FRMPD4: variants seen among roughly 807,000 people sequenced by gnomAD.
FRMPD4 encodes the protein FERM and PDZ domain-containing protein 4.
A neutral mutation model predicts 94.1 loss-of-function variants in FRMPD4; 22 were observed. That is an observed-to-expected ratio of 0.23 (90% CI 0.17 to 0.33). The LOEUF (loss-of-function observed/expected upper bound fraction) is 0.33. FRMPD4 is among the 10% of genes least tolerant of loss of function. The pLI, the probability that FRMPD4 is intolerant of heterozygous loss-of-function variation, is 1.00. For missense variants in FRMPD4, 1,111 were observed against 1,339.9 expected (o/e 0.83, Z 2.67); for synonymous variants, 631 against 548.6 (o/e 1.15, Z -2.10).
chrX:11,970,171 T>G (rs1219373225), intron 3 of FRMPD4, among the ~76,000 whole-genome samples: 2 of 112,221 alleles, frequency 1.8e-5, no homozygotes, highest in Non-Finnish European at 3.8e-5. Flanking sequence ...ATTATTAAGG[T>G]TCTGCATTTC....
chrX:12,205,166 A>C (rs1164065813), intron 1 of FRMPD4, among the ~76,000 whole-genome samples: 2 of 109,774 alleles, frequency 1.8e-5, no homozygotes, highest in Admixed American at 1.9e-4. Flanking sequence ...TTTGAAGCCC[A>C]TGAAGCCTGT....
chrX:12,223,828 C>T (rs2056895085), intron 1 of FRMPD4, among the ~76,000 whole-genome samples: 1 of 112,194 alleles, frequency 8.9e-6, no homozygotes, highest in Non-Finnish European at 1.9e-5. Context: ...TTTTCTTGTG[C>T]TTACTTACCA....
chrX:12,411,500 C>T (rs1188938938), intron 1 of FRMPD4, among the ~76,000 whole-genome samples: 10 of 112,025 alleles, frequency 8.9e-5, no homozygotes, highest in Non-Finnish European at 3.8e-5. Flanking sequence ...CAGCACTAGA[C>T]GTAATTCAGT....
At chrX:12,310,321 C>T (rs1242883787) in intron 1 of FRMPD4, among the ~76,000 whole-genome samples, 1 of 110,631 alleles carries the variant, frequency 9.0e-6, no homozygotes, top group Non-Finnish European at 1.9e-5. Flanking sequence ...CAAGGACCGG[C>T]CATTTTCACT....
chrX:12,030,652 C>A (rs2054686588), intron 3 of FRMPD4, among the ~76,000 whole-genome samples: 1 of 111,875 alleles, frequency 8.9e-6, no homozygotes, highest in African/African-American at 3.2e-5. Context: ...AAATGGACAT[C>A]AACATTGTTA....
Position 12,390,407 on chromosome X carries a change from C to T in FRMPD4, c.42-108273C>T, listed in dbSNP as rs147134869. 2.9e-3 allele frequency among the ~76,000 whole-genome samples: 330 copies of T among 112,438 alleles called. 1 individual carries two copies. The highest frequency in any genetic ancestry group is 0.01 in the African/African-American group (320 of 30,994). ...GTGAGATGATCACTTTTCCTGTCAG[C>T]TCTTTGCCTTTAACAAAATATAAGA... On this transcript the variant is annotated intron_variant, in intron 1 of 16. Transcript: ENST00000675598.
Position 11,870,865 on chromosome X carries a change from G to A in FRMPD4, c.-30+5649G>A, listed in dbSNP as rs147557436. Among the ~76,000 whole-genome samples the A allele has an allele frequency of 4.6e-3, 515 of 112,403 alleles. 4 individuals are homozygous for A. Among genetic ancestry groups the A allele is most frequent in the African/African-American group, 0.016 (498 of 30,975 alleles). On this transcript the variant is annotated intron_variant, in intron 2 of 18. Coordinates refer to the FRMPD4 transcript ENST00000640291. ...GGAATTGGACTAGATTAACTTGGAG[G>A]TCTTACTCAATTCTTACTTGCTATG...
At chrX:12,370,290 G>A (rs1000727707) in intron 1 of FRMPD4, among the ~76,000 whole-genome samples, 1 of 112,037 alleles carries the variant, frequency 8.9e-6, no homozygotes, top group African/African-American at 3.2e-5. Context: ...GGGCAACCCA[G>A]TGAGACCCCA....
intron 3 of FRMPD4, among the ~76,000 whole-genome samples, chrX:12,613,399 A>G (rs1485359901): frequency 8.9e-6 from 1 of 112,284 alleles, no homozygotes; most frequent in Non-Finnish European, 1.9e-5. Context: ...CCTTCAAGTC[A>G]ATTCTTTAAC....
chrX:12,304,126 T>G (rs1467098390), intron 1 of FRMPD4, among the ~76,000 whole-genome samples: 1 of 111,821 alleles, frequency 8.9e-6, no homozygotes, highest in Non-Finnish European at 1.9e-5. Context: ...TATTTATTTT[T>G]ATTGTAAACA....
intron 1 of FRMPD4, among the ~76,000 whole-genome samples, chrX:12,411,105 T>G (rs1344954999): frequency 9.0e-6 from 1 of 111,554 alleles, no homozygotes; most frequent in Non-Finnish European, 1.9e-5. Context: ...ACATTGGTGA[T>G]GCAGCATTCT....
At chrX:12,092,177 A>C (rs750716228) in intron 3 of FRMPD4, among the ~76,000 whole-genome samples, 1 of 112,198 alleles carries the variant, frequency 8.9e-6, no homozygotes, top group Non-Finnish European at 1.9e-5. Context: ...TCTTATAATG[A>C]ATTCTATCAT....
Position 12,242,392 on chromosome X carries a change from A to G in FRMPD4, c.41+103380A>G, listed in dbSNP as rs1406858706. Among the ~76,000 whole-genome samples, 4 of 111,934 alleles carry G rather than the reference A, an allele frequency of 3.6e-5. No individual in the cohort carries two copies. In the East Asian group the frequency reaches 8.4e-4, roughly 23 times the overall value. On this transcript the variant is annotated intron_variant, in intron 1 of 16. Transcript: ENST00000675598. ...GTGAGTTTACATGCAAGGAGTCTCTATTACTTTATTTTAAACAGGAAGAAC... is the reference window on the plus strand; with the variant it reads ...GTGAGTTTACATGCAAGGAGTCTCTGTTACTTTATTTTAAACAGGAAGAAC...
chrX:12,721,196 C>T lies in FRMPD4; in HGVS notation c.4627C>T (p.Pro1543Ser), dbSNP rs924219157. The part of the protein sequence containing the change: ...RPQMTQAMPE[P>S]SSPCLAVAIQ... ...ACAGATGACTCAAGCCATGCCAGAA[C>T]CAAGCAGCCCATGCCTGGCTGTGGC... The change falls in exon 17 of 17, where the codon CCA becomes TCA. Residue 1543 changes from proline (P) to serine (S), a missense_variant. By Grantham distance (74) the Pro-to-Ser change is moderately conservative. Transcript: ENST00000675598. 1.1e-5 allele frequency: 8 copies of T among 753,558 alleles called. No individual in the cohort carries two copies. Among genetic ancestry groups the T allele is most frequent in the East Asian group, 1.5e-4 (1 of 6,550 alleles). The allele number at this position is 753,558 out of a possible 1,213,427, so 62.1% of individuals were successfully genotyped here. A position where few individuals can be genotyped will look rare whatever the true frequency, so the allele number is the denominator to read the frequency against.
At chrX:12,385,594 A>C (rs760694410) in intron 1 of FRMPD4, among the ~76,000 whole-genome samples, 3 of 112,782 alleles carry the variant, frequency 2.7e-5, no homozygotes, top group African/African-American at 9.6e-5. Flanking sequence ...ACGCCAATCA[A>C]CAAAAGTTTA....
chrX:12,222,130 C>T (rs1405798814), intron 1 of FRMPD4, among the ~76,000 whole-genome samples: 1 of 110,462 alleles, frequency 9.1e-6, no homozygotes, highest in Non-Finnish European at 1.9e-5. Context: ...CTTCGGAGTT[C>T]GAGACCAGTC....
chrX:12,230,410 A>G (rs1485299729), intron 1 of FRMPD4, among the ~76,000 whole-genome samples: 1 of 111,835 alleles, frequency 8.9e-6, no homozygotes, highest in Non-Finnish European at 1.9e-5. Context: ...GCCTTTGGGC[A>G]CATAAGCAGG....
intron 3 of FRMPD4, among the ~76,000 whole-genome samples, chrX:12,062,865 G>T (rs2054894935): frequency 9.0e-6 from 1 of 111,503 alleles, no homozygotes; most frequent in Non-Finnish European, 1.9e-5. Flanking sequence ...ATTTGTGTCA[G>T]AATATTATGA....
intron 3 of FRMPD4, among the ~76,000 whole-genome samples, chrX:11,885,431 T>C (rs765205411): frequency 9.0e-5 from 10 of 111,157 alleles, no homozygotes. Context: ...GTATAGCCTT[T>C]CAGTTTTGCA....
Sources: gnomAD v4.1 joint callset for allele counts (sites outside exome capture counted in the v4.1 genomes callset) on GRCh38, gnomAD v4.1.1 for gene constraint, MANE v1.5 for transcripts, NCBI Gene and HGNC (gene_info 2026-07-23, HGNC 2026-07-21) for gene names.